STAC: variants seen among roughly 807,000 people sequenced by gnomAD.
STAC encodes SH3 and cysteine-rich domain-containing protein.
In STAC, 43 loss-of-function variants were observed where a neutral mutation model predicts 48.8. That is an observed-to-expected ratio of 0.88 (90% CI 0.69 to 1.14). The LOEUF is 1.14. Ranked by LOEUF, STAC falls within the 50% of genes most tolerant of loss-of-function variation. STAC has a pLI of 0.00. For missense variants in STAC, 497 were observed against 504.0 expected (o/e 0.99, Z 0.13); for synonymous variants, 193 against 179.5 (o/e 1.07, Z -0.60).
Position 36,530,704 on chromosome 3 carries a change from T to C in STAC, c.1110+1719T>C, listed in dbSNP as rs565186543. On this transcript the variant is annotated intron_variant, in intron 10 of 10. Coordinates refer to ENST00000273183, the MANE Select transcript of STAC (RefSeq NM_003149.3). Reference sequence around the variant, plus strand: ...TCCACCTCCCAGGTTCAAGCCATTCTCCTGCCTCAGCCTCCGGAGCAGCTG... The same window carrying C: ...TCCACCTCCCAGGTTCAAGCCATTCCCCTGCCTCAGCCTCCGGAGCAGCTG... Among the ~76,000 whole-genome samples, 355 of 145,302 alleles carry C rather than the reference T, an allele frequency of 2.4e-3. 1 individual carries two copies. Among genetic ancestry groups the C allele is most frequent in the African/African-American group, 8.2e-3 (325 of 39,620 alleles).
intron 1 of STAC, among the ~76,000 whole-genome samples, chr3:36,440,014 G>T (rs186977676): frequency 1.3e-5 from 2 of 152,350 alleles, no homozygotes; most frequent in South Asian, 2.1e-4. Flanking sequence ...AGGGACAAAA[G>T]TCTTAGCTGG....
chr3:36,494,626 G>C (rs1698087305), intron 6 of STAC, among the ~76,000 whole-genome samples: 1 of 152,166 alleles, frequency 6.6e-6, no homozygotes, highest in South Asian at 2.1e-4. Flanking sequence ...TCCTAAATAA[G>C]TGCCAGTGTT....
rs1195604197 is a variant in STAC, at chr3:36,487,824, T to C, written c.687+1575T>C. On this transcript the variant is annotated intron_variant, in intron 5 of 10. Coordinates refer to ENST00000273183, the MANE Select transcript of STAC (RefSeq NM_003149.3). ...ACATTGCCTCAAAGCAGTGAGGGGATAATGTGTGTCATTTTAAGATACCTG... is the reference window on the plus strand; with the variant it reads ...ACATTGCCTCAAAGCAGTGAGGGGACAATGTGTGTCATTTTAAGATACCTG... Among the ~76,000 whole-genome samples the C allele has an allele frequency of 3.3e-5, 5 of 152,150 alleles. No individual in the cohort carries two copies. In the East Asian group the frequency reaches 9.6e-4, roughly 29 times the overall value.
chr3:36,452,028 C>T, intron 2 of STAC, among the ~76,000 whole-genome samples: 1 of 152,198 alleles, frequency 6.6e-6, no homozygotes, highest in Non-Finnish European at 1.5e-5. Flanking sequence ...TCCCTGTCTG[C>T]TTTGCTCTCA....
rs190301414 is a variant in STAC, at chr3:36,465,136, G to A, written c.389-17856G>A. On this transcript the variant is annotated intron_variant, in intron 2 of 10. Coordinates refer to ENST00000273183, the MANE Select transcript of STAC (RefSeq NM_003149.3). Reference sequence around the variant, plus strand: ...CCATACCAACATCTATTTTTTAAATGTTTTTATTATGACCATTCTTGCAGG... The same window carrying A: ...CCATACCAACATCTATTTTTTAAATATTTTTATTATGACCATTCTTGCAGG... Among the ~76,000 whole-genome samples, 6 of 152,108 alleles carry A rather than the reference G, an allele frequency of 3.9e-5. No homozygotes were observed. The East Asian group carries it at 1.2e-3, about 29-fold the overall frequency.
intron 2 of STAC, among the ~76,000 whole-genome samples, chr3:36,479,704 T>C (rs1374122437): frequency 3.3e-5 from 5 of 152,242 alleles, no homozygotes; most frequent in Non-Finnish European, 7.3e-5. Flanking sequence ...AGTAGTTTTC[T>C]TAAATTTAAA....
intron 7 of STAC, among the ~76,000 whole-genome samples, chr3:36,505,335 C>T (rs1362701518): frequency 6.6e-5 from 10 of 152,036 alleles, no homozygotes; most frequent in Admixed American, 6.6e-4. Context: ...TAGATACCAA[C>T]TTTTCGGCTA....
chr3:36,443,657 C>T lies in STAC; in HGVS notation c.388+17C>T. ...TGATAGTGGGTAAGGCCTCCCACCC[C>T]TTTCTCCAGATCCCAGCACCCCCGG... On this transcript the variant is annotated intron_variant, in intron 2 of 10. Transcript: ENST00000273183. The surrounding 1 kb of genome is among the most constrained non-coding windows in gnomAD (Gnocchi z 4.2). 1 of 1,604,836 alleles carries T rather than the reference C, an allele frequency of 6.2e-7. No homozygotes were observed. The highest frequency in any genetic ancestry group is 8.5e-7 in the Non-Finnish European group (1 of 1,178,720).
chr3:36,445,411 T>C (rs1434762174), intron 2 of STAC, among the ~76,000 whole-genome samples: 1 of 151,540 alleles, frequency 6.6e-6, no homozygotes, highest in Non-Finnish European at 1.5e-5. Flanking sequence ...ATAAACCAAA[T>C]ATTAGGCTCC....
rs1269171777 is a variant in STAC at position 36,418,597 on chromosome 3, G to A, written c.112-24767G>A. On this transcript the variant is annotated intron_variant, in intron 1 of 10. Coordinates refer to ENST00000273183, the MANE Select transcript of STAC (RefSeq NM_003149.3). ...GAAAATAAAATTTATTTACTGAAGT[G>A]TAAAAATCTTAATACTCTCGATTAA... is the stretch of plus-strand genomic sequence containing the variant. 2.8e-5 allele frequency among the ~76,000 whole-genome samples: 4 copies of A among 141,246 alleles called. No homozygotes were observed. The Admixed American group carries it at 2.9e-4, about 10-fold the overall frequency. The allele number at this position is 141,246 out of a possible 152,430, so 92.7% of individuals were successfully genotyped here. A position where few individuals can be genotyped will look rare whatever the true frequency, so the allele number is the denominator to read the frequency against.
intron 10 of STAC, among the ~76,000 whole-genome samples, chr3:36,534,315 A>T (rs1699144523): frequency 6.6e-6 from 1 of 152,182 alleles, no homozygotes; most frequent in South Asian, 2.1e-4. Flanking sequence ...ACAAATGCAT[A>T]GCAGAAGTCA....
intron 6 of STAC, among the ~76,000 whole-genome samples, chr3:36,499,204 G>C (rs1051442837): frequency 3.9e-5 from 6 of 152,148 alleles, no homozygotes; most frequent in African/African-American, 1.4e-4. Context: ...AGACGGAAAT[G>C]TAAGAAGAAA....
intron 10 of STAC, among the ~76,000 whole-genome samples, chr3:36,531,674 G>A (rs1213197964): frequency 6.6e-6 from 1 of 152,134 alleles, no homozygotes; most frequent in Non-Finnish European, 1.5e-5. Flanking sequence ...TGGGAGAAAG[G>A]GAGCAGAAAG....
intron 1 of STAC, among the ~76,000 whole-genome samples, chr3:36,425,663 G>A (rs1575190245): frequency 6.6e-6 from 1 of 152,298 alleles, no homozygotes; most frequent in Middle Eastern, 3.4e-3. Context: ...TGGATGAAAG[G>A]TGTGTATGAA....
At chr3:36,452,228 T>G (rs1393086598) in intron 2 of STAC, among the ~76,000 whole-genome samples, 4 of 152,340 alleles carry the variant, frequency 2.6e-5, no homozygotes, top group Admixed American at 6.5e-5. Flanking sequence ...TTCAGCATAT[T>G]TTTAAAATTT....
chr3:36,452,333 A>AATTGCCTTTT (rs1696706972), intron 2 of STAC, among the ~76,000 whole-genome samples: 1 of 152,216 alleles, frequency 6.6e-6, no homozygotes, highest in African/African-American at 2.4e-5. Context: ...TGTTTAATAT[A>AATTGCCTTTT]GTATAACCTT....
chr3:36,527,674 G>A (rs1698967288), intron 8 of STAC, among the ~76,000 whole-genome samples: 1 of 152,112 alleles, frequency 6.6e-6, no homozygotes, highest in Non-Finnish European at 1.5e-5. Flanking sequence ...ATCATAGATG[G>A]GAGAAAAACA....
chr3:36,542,085 AGAG>A (rs1699342278), intron 10 of STAC, among the ~76,000 whole-genome samples: 1 of 151,940 alleles, frequency 6.6e-6, no homozygotes, highest in Non-Finnish European at 1.5e-5. Flanking sequence ...AGGGTAGGGG[AGAG>A]GAGAAGAGGA....
intron 1 of STAC, among the ~76,000 whole-genome samples, chr3:36,419,510 A>G (rs1033228683): frequency 3.3e-5 from 5 of 152,324 alleles, no homozygotes; most frequent in African/African-American, 9.6e-5. Context: ...ACCACCACAC[A>G]ATGGGGTAAA....
Sources: allele counts gnomAD v4.1 joint callset (sites outside exome capture counted in the v4.1 genomes callset), GRCh38; gene constraint gnomAD v4.1.1; non-coding constraint Gnocchi (gnomAD v3.1); transcripts MANE v1.5; gene names NCBI Gene and HGNC (gene_info 2026-07-23, HGNC 2026-07-21).